PPM1H: variants seen among roughly 807,000 people sequenced by gnomAD.
The protein encoded by PPM1H is protein phosphatase, Mg2+/Mn2+ dependent 1H, also known as protein phosphatase 1H.
In PPM1H, 27 loss-of-function variants were observed where a neutral mutation model predicts 54.9. That is an observed-to-expected ratio of 0.49 (90% CI 0.36 to 0.68). The LOEUF is 0.68. PPM1H is among the 30% of genes least tolerant of loss of function. The pLI, the probability that PPM1H is intolerant of heterozygous loss-of-function variation, is 0.00. For synonymous variants in PPM1H, 305 were observed against 270.8 expected, an observed-to-expected ratio of 1.13 and a Z score of -1.24; for missense variants, 596 against 667.8, an observed-to-expected ratio of 0.89 and a Z score of 1.19.
At chr12:62,802,626 C>T (rs371862215) in intron 2 of PPM1H, among the ~76,000 whole-genome samples, 24 of 151,376 alleles carry the variant, frequency 1.6e-4, no homozygotes, top group Admixed American at 5.3e-4. Flanking sequence ...TTCAGTGGCG[C>T]GATCTAGGCT....
intron 6 of PPM1H, among the ~76,000 whole-genome samples, chr12:62,710,735 A>T (rs2076202691): frequency 6.6e-6 from 1 of 152,030 alleles, no homozygotes. Flanking sequence ...CAGCCAGCAG[A>T]CCTGATCTGA....
intron 4 of PPM1H, among the ~76,000 whole-genome samples, chr12:62,756,886 G>C (rs2076479861): frequency 6.6e-6 from 1 of 152,096 alleles, no homozygotes; most frequent in Non-Finnish European, 1.5e-5. Context: ...GACTTGAGAG[G>C]CACCTGTGAT....
intron 4 of PPM1H, among the ~76,000 whole-genome samples, chr12:62,757,565 A>G (rs1174282568): frequency 6.6e-6 from 1 of 152,194 alleles, no homozygotes; most frequent in African/African-American, 2.4e-5. Context: ...AAGAAAACAC[A>G]CTCTAGTAAA....
intron 2 of PPM1H, among the ~76,000 whole-genome samples, chr12:62,804,304 A>C (rs944683961): frequency 8.7e-5 from 13 of 149,038 alleles, no homozygotes; most frequent in African/African-American, 3.3e-4. Flanking sequence ...CAACAGGCCA[A>C]GATCTTGCCA....
intron 2 of PPM1H, among the ~76,000 whole-genome samples, chr12:62,810,628 G>A (rs2076829657): frequency 6.6e-6 from 1 of 152,152 alleles, no homozygotes; most frequent in African/African-American, 2.4e-5. Context: ...CAGTCCAAGG[G>A]CAATTTTAGT....
chr12:62,748,727 T>C (rs2076425892), intron 4 of PPM1H, among the ~76,000 whole-genome samples: 1 of 152,144 alleles, frequency 6.6e-6, no homozygotes, highest in Non-Finnish European at 1.5e-5. Context: ...GTTCATGGCT[T>C]TGGAGGAAAT....
chr12:62,933,691 C>T (rs1336392246), intron 1 of PPM1H, among the ~76,000 whole-genome samples: 1 of 152,068 alleles, frequency 6.6e-6, no homozygotes, highest in Non-Finnish European at 1.5e-5. Context: ...GGAAAAGTGG[C>T]CATGGAGCTG....
intron 9 of PPM1H, chr12:62,658,900 A>G: frequency 1.5e-6 from 1 of 658,184 alleles, no homozygotes; most frequent in Non-Finnish European, 2.8e-6. Context: ...AGTCTGACCA[A>G]TATGTCAAAA....
chr12:62,839,874 C>CAAAAAAAAAAAAAAAAAAAAAAAA (rs746381032), intron 1 of PPM1H, among the ~76,000 whole-genome samples: 6 of 84,240 alleles, frequency 7.1e-5, no homozygotes, highest in African/African-American at 2.9e-4. Flanking sequence ...CCTGTTTCTA[C>CAAAAAAAAAAAAAAAAAAAAAAAA]AAAAAAAAAA....
chr12:62,677,707 TGA>T (rs1205464031), intron 8 of PPM1H, among the ~76,000 whole-genome samples: 5 of 152,156 alleles, frequency 3.3e-5, no homozygotes, highest in Non-Finnish European at 5.9e-5. Flanking sequence ...CCTGCCAGGC[TGA>T]GTGGGCAGAA....
chr12:62,860,199 G>T (rs755032170), intron 1 of PPM1H, among the ~76,000 whole-genome samples: 10 of 152,126 alleles, frequency 6.6e-5, no homozygotes, highest in Non-Finnish European at 1.5e-4. Context: ...AGGGGGGAAA[G>T]TCCCTTATAA....
intron 2 of PPM1H, among the ~76,000 whole-genome samples, chr12:62,809,145 A>G (rs2076821780): frequency 6.6e-6 from 1 of 152,186 alleles, no homozygotes; most frequent in African/African-American, 2.4e-5. Context: ...TCTGCCTCCC[A>G]GGCCCAAGTG....
At chr12:62,857,448 T>A (rs1869431069) in intron 1 of PPM1H, among the ~76,000 whole-genome samples, 2 of 152,342 alleles carry the variant, frequency 1.3e-5, no homozygotes, top group Non-Finnish European at 2.9e-5. Flanking sequence ...ACCCAACTAA[T>A]CCTAGTTTTT....
intron 1 of PPM1H, among the ~76,000 whole-genome samples, chr12:62,838,035 C>T (rs916766990): frequency 2.6e-5 from 4 of 152,194 alleles, no homozygotes; most frequent in African/African-American, 4.8e-5. Context: ...ATTCCCACCC[C>T]GATCTGCCCA....
chr12:62,753,111 A>G (rs1431592412), intron 4 of PPM1H, among the ~76,000 whole-genome samples: 1 of 152,250 alleles, frequency 6.6e-6, no homozygotes, highest in Admixed American at 6.5e-5. Flanking sequence ...CAAGTGTTCT[A>G]GGGAATGCAT....
chr12:62,891,716 T>C (rs1415276397), intron 1 of PPM1H, among the ~76,000 whole-genome samples: 1 of 152,198 alleles, frequency 6.6e-6, no homozygotes, highest in Non-Finnish European at 1.5e-5. Context: ...TGACTAAAAG[T>C]GCCACAAGGT....
At position 62,693,930 on chromosome 12, in the gene PPM1H, G is replaced by GC; in HGVS notation, c.1137+5dup. 1 of 1,611,272 alleles carries GC rather than the reference G, an allele frequency of 6.2e-7. No individual in the cohort carries two copies. Among genetic ancestry groups the GC allele is most frequent in the Non-Finnish European group, 8.5e-7 (1 of 1,178,700 alleles). On this transcript the variant is annotated splice_donor_region_variant and intron_variant, in intron 7 of 9. Coordinates refer to ENST00000228705, the MANE Select transcript of PPM1H (RefSeq NM_020700.2). ...CTCTCTACCCAGGGGAAGCACACGT[G>GC]CCTACCTTCTTGCCTTCTCCATATA... is the stretch of plus-strand genomic sequence containing the variant.
At chr12:62,705,131 C>CA (rs1483140719) in intron 6 of PPM1H, among the ~76,000 whole-genome samples, 1 of 152,032 alleles carries the variant, frequency 6.6e-6, no homozygotes. Flanking sequence ...AAACACACGG[C>CA]AAAAAACAAT....
At chr12:62,921,352 C>T (rs900636850) in intron 1 of PPM1H, among the ~76,000 whole-genome samples, 23 of 152,118 alleles carry the variant, frequency 1.5e-4, no homozygotes, top group African/African-American at 5.3e-4. Context: ...TTTATCAACT[C>T]CCTGAAAGTA....
Sources: gnomAD v4.1 joint callset for allele counts (sites outside exome capture counted in the v4.1 genomes callset) on GRCh38, gnomAD v4.1.1 for gene constraint, MANE v1.5 for transcripts, NCBI Gene and HGNC (gene_info 2026-07-23, HGNC 2026-07-21) for gene names.